SYBU: variants seen among roughly 807,000 people sequenced by gnomAD.
SYBU encodes the protein syntabulin.
In SYBU, 21 loss-of-function variants were observed where a neutral mutation model predicts 35.9. The observed-to-expected ratio is 0.58, with a 90% CI of 0.41 to 0.84. The LOEUF is 0.84. Among genes scored for constraint, SYBU ranks in the 40% least tolerant of loss-of-function variants. SYBU has a pLI of 0.00. For missense variants in SYBU, 768 were observed against 848.2 expected, an observed-to-expected ratio of 0.91 and a Z score of 1.17; for synonymous variants, 319 against 324.3, an observed-to-expected ratio of 0.98 and a Z score of 0.18.
chr8:109,586,044 A>C lies in SYBU; in HGVS notation c.530+16T>G. ...GTGTAAAGCGTCTTAATTACAGAGC[A>C]GGAGATGGTGCCTACTTGCGTGAAG... is the stretch of plus-strand genomic sequence containing the variant. On this transcript the variant is annotated intron_variant, in intron 4 of 6. Coordinates refer to ENST00000276646, the MANE Select transcript of SYBU (RefSeq NM_001099754.2). 1.3e-6 allele frequency: 2 copies of C among 1,588,930 alleles called. No homozygotes were observed. Among genetic ancestry groups the C allele is most frequent in the Non-Finnish European group, 8.6e-7 (1 of 1,163,054 alleles).
chr8:109,684,111 G>A (rs1241161144), upstream of SYBU, among the ~76,000 whole-genome samples: 1 of 152,170 alleles, frequency 6.6e-6, no homozygotes, highest in Non-Finnish European at 1.5e-5. Context: ...TTTCAGCAAG[G>A]AAAATCAGAT....
chr8:109,653,021 G>C (rs1304417298), intron 1 of SYBU, among the ~76,000 whole-genome samples: 1 of 152,160 alleles, frequency 6.6e-6, no homozygotes, highest in Admixed American at 6.5e-5. Context: ...TTTAACAATA[G>C]ATTTCTTGGT....
At chr8:109,688,961 G>A (rs1042783683) in intron 1 of SYBU, among the ~76,000 whole-genome samples, 1 of 152,224 alleles carries the variant, frequency 6.6e-6, no homozygotes, top group Non-Finnish European at 1.5e-5. Context: ...TTAACGGTGT[G>A]TATGGTCTTT....
At chr8:109,650,332 A>G (rs2130714840) in intron 1 of SYBU, among the ~76,000 whole-genome samples, 1 of 152,338 alleles carries the variant, frequency 6.6e-6, no homozygotes, top group African/African-American at 2.4e-5. Flanking sequence ...CTTTCTAGTA[A>G]ACATCTTAAA....
chr8:109,647,177 T>G (rs539660033), upstream of SYBU: 1 of 152,246 alleles, frequency 6.6e-6, no homozygotes, highest in South Asian at 2.1e-4. Context: ...ACCTCTCCGA[T>G]CTCATTTCTT....
In SYBU at chr8:109,686,891, C is replaced by T. The variant is rs1817530589; in HGVS notation, c.-58+4442G>A. 1.3e-5 allele frequency among the ~76,000 whole-genome samples: 2 copies of T among 152,100 alleles called. 1 individual carries two copies. Among genetic ancestry groups the T allele is most frequent in the African/African-American group, 4.8e-5 (2 of 41,418 alleles). ...TCTGTATTCAACTTGCACATCTTTA[C>T]TTAGAAGGTCATTTGGAATATTCTT... is the stretch of plus-strand genomic sequence containing the variant. On this transcript the variant is annotated intron_variant, in intron 1 of 7. Coordinates refer to the SYBU transcript ENST00000422135.
intron 3 of SYBU, among the ~76,000 whole-genome samples, chr8:109,613,883 C>A (rs1470851135): frequency 1.3e-5 from 2 of 152,190 alleles, no homozygotes; most frequent in African/African-American, 2.4e-5. Flanking sequence ...CTAAAGTAAC[C>A]AATCCTCTGC....
chr8:109,639,774 T>C (rs970873639), intron 2 of SYBU, among the ~76,000 whole-genome samples: 5 of 152,216 alleles, frequency 3.3e-5, no homozygotes, highest in African/African-American at 9.6e-5. Context: ...AAACGAGCGA[T>C]TTCCCCCTGC....
intron 3 of SYBU, among the ~76,000 whole-genome samples, chr8:109,594,561 AC>A (rs1418163056): frequency 6.6e-6 from 1 of 152,106 alleles, no homozygotes; most frequent in African/African-American, 2.4e-5. Flanking sequence ...TGACTCTAAG[AC>A]CTAACAACCT....
At chr8:109,608,706 G>A (rs1810850343) in intron 3 of SYBU, among the ~76,000 whole-genome samples, 1 of 152,184 alleles carries the variant, frequency 6.6e-6, no homozygotes, top group Admixed American at 6.5e-5. Context: ...ATGAGATGCT[G>A]AGTGGACATT....
intron 2 of SYBU, among the ~76,000 whole-genome samples, chr8:109,636,788 TCTC>T (rs566972748): frequency 9.1e-4 from 139 of 152,310 alleles, no homozygotes; most frequent in African/African-American, 3.3e-3. Flanking sequence ...GGAAATTCTT[TCTC>T]CTCCTCCTTA....
chr8:109,596,600 T>A (rs1396734191), intron 3 of SYBU, among the ~76,000 whole-genome samples: 3 of 152,242 alleles, frequency 2.0e-5, no homozygotes, highest in Non-Finnish European at 4.4e-5. Flanking sequence ...AAACAGGTTA[T>A]CATGATGTAT....
intron 4 of SYBU, chr8:109,585,747 AC>A (rs931508796): frequency 2.1e-5 from 5 of 240,644 alleles, no homozygotes; most frequent in Admixed American, 5.1e-5. Flanking sequence ...GAAGTGGGAG[AC>A]CACTAGCTTC....
intron 1 of SYBU, among the ~76,000 whole-genome samples, chr8:109,686,330 C>T (rs1817518413): frequency 6.6e-6 from 1 of 152,030 alleles, no homozygotes; most frequent in Non-Finnish European, 1.5e-5. Flanking sequence ...GTTTTAAGAA[C>T]CAAATGGATA....
At position 109,578,167 on chromosome 8, in the gene SYBU, T is replaced by G. The variant is rs947830926; in HGVS notation, c.735-150A>C. On this transcript the variant is annotated intron_variant, in intron 5 of 6. Transcript: ENST00000276646. ...ACCCCAATATGACGGTATTAGGTGG[T>G]GACGACTTTGGGAATTAGCCCATAA... 4.6e-6 allele frequency: 4 copies of G among 873,332 alleles called. No individual in the cohort carries two copies. In the African/African-American group the frequency reaches 6.8e-5, roughly 15 times the overall value. The allele number at this position is 873,332 out of a possible 1,614,324, so 54.1% of individuals were successfully genotyped here. A position where few individuals can be genotyped will look rare whatever the true frequency, so the allele number is the denominator to read the frequency against.
chr8:109,626,210 T>C (rs754519492), intron 2 of SYBU, among the ~76,000 whole-genome samples: 2 of 152,352 alleles, frequency 1.3e-5, no homozygotes, highest in Non-Finnish European at 2.9e-5. Context: ...TGATAATGTT[T>C]TTGACATTCA....
intron 1 of SYBU, among the ~76,000 whole-genome samples, chr8:109,689,162 T>C (rs947044901): frequency 6.6e-6 from 1 of 152,204 alleles, no homozygotes; most frequent in African/African-American, 2.4e-5. Context: ...GAAATTATTA[T>C]AGACTCACAG....
At chr8:109,642,255 A>C (rs886446745) in intron 2 of SYBU, among the ~76,000 whole-genome samples, 1 of 151,978 alleles carries the variant, frequency 6.6e-6, no homozygotes, top group African/African-American at 2.4e-5. Flanking sequence ...AGTTGAACAC[A>C]TGGACACAGG....
intron 1 of SYBU, among the ~76,000 whole-genome samples, chr8:109,667,801 G>T (rs1816812242): frequency 6.6e-6 from 1 of 151,922 alleles, no homozygotes; most frequent in South Asian, 2.1e-4. Context: ...TATGTGTTTT[G>T]TTTTTTAAAA....
Sources: gnomAD v4.1 joint callset for allele counts (sites outside exome capture counted in the v4.1 genomes callset) on GRCh38, gnomAD v4.1.1 for gene constraint, MANE v1.5 for transcripts, NCBI Gene and HGNC (gene_info 2026-07-23, HGNC 2026-07-21) for gene names.